C11orf96: variants seen among roughly 807,000 people sequenced by gnomAD.
C11orf96 encodes the protein uncharacterized protein C11orf96.
A neutral mutation model predicts 7.6 loss-of-function variants in C11orf96; 6 were observed. That is an observed-to-expected ratio of 0.79 (90% CI 0.43 to 1.55). The LOEUF (loss-of-function observed/expected upper bound fraction) is 1.55, where lower values mean the gene tolerates loss of function less well. Among genes scored for constraint, C11orf96 ranks in the 40% most tolerant of loss-of-function variants. C11orf96 has a pLI of 0.01. For synonymous variants in C11orf96, 72 were observed against 79.0 expected (o/e 0.91, Z 0.47); for missense variants, 150 against 167.3 (o/e 0.90, Z 0.57).
In C11orf96 at chr11:43,943,372, C is replaced by A; in HGVS notation, c.*99C>A. Reference sequence around the variant, plus strand: ...CCGCGCCCTGCTCCCGGGGGACCCGCAAGGACCCGGGACCGCCGCTCCTCG... The same window carrying A: ...CCGCGCCCTGCTCCCGGGGGACCCGAAAGGACCCGGGACCGCCGCTCCTCG... On this transcript the variant is annotated 3_prime_UTR_variant, in exon 1 of 1. Coordinates refer to ENST00000617612, the MANE Select transcript of C11orf96 (RefSeq NM_001145033.2). The surrounding 1 kb of genome is among the most constrained non-coding windows in gnomAD (Gnocchi z 4.8). 1 of 1,390,178 alleles carries A rather than the reference C, an allele frequency of 7.2e-7. No homozygotes were observed. The highest frequency in any genetic ancestry group is 9.3e-7 in the Non-Finnish European group (1 of 1,077,342). The allele number at this position is 1,390,178 out of a possible 1,614,324, so 86.1% of individuals were successfully genotyped here.
chr11:43,942,934 C>T lies in C11orf96; in HGVS notation c.30C>T (p.Gly10=). Residue 10 remains glycine, a synonymous_variant, in exon 1 of 1, where the codon GGC becomes GGT. Transcript: ENST00000617612. MAAKPGELM[G]ICSSYQAVMP... Reference sequence around the variant, plus strand: ...CCGCCAAGCCCGGCGAGCTGATGGGCATCTGCTCCAGTTACCAGGCGGTGA... The same window carrying T: ...CCGCCAAGCCCGGCGAGCTGATGGGTATCTGCTCCAGTTACCAGGCGGTGA... 13 of 1,448,968 alleles carry T rather than the reference C, an allele frequency of 9.0e-6. No individual in the cohort carries two copies. The highest frequency in any genetic ancestry group is 1.2e-5 in the Non-Finnish European group (13 of 1,103,890). The allele number at this position is 1,448,968 out of a possible 1,614,324, so 89.8% of individuals were successfully genotyped here. A position where few individuals can be genotyped will look rare whatever the true frequency, so the allele number is the denominator to read the frequency against.
At position 43,943,354 on chromosome 11, in the gene C11orf96, C is replaced by T; in HGVS notation, c.*81C>T. On this transcript the variant is annotated 3_prime_UTR_variant, in exon 1 of 1. Coordinates refer to ENST00000617612, the MANE Select transcript of C11orf96 (RefSeq NM_001145033.2). The surrounding 1 kb of genome is among the most constrained non-coding windows in gnomAD (Gnocchi z 4.8). ...TGTGAACCCCGAGAGTGCCCGCGCCCTGCTCCCGGGGGACCCGCAAGGACC... is the reference window on the plus strand; with the variant it reads ...TGTGAACCCCGAGAGTGCCCGCGCCTTGCTCCCGGGGGACCCGCAAGGACC... 2 of 1,391,160 alleles carry T rather than the reference C, an allele frequency of 1.4e-6. No homozygotes were observed. Among genetic ancestry groups the T allele is most frequent in the Middle Eastern group, 2.3e-4 (1 of 4,342 alleles). The allele number at this position is 1,391,160 out of a possible 1,614,324, so 86.2% of individuals were successfully genotyped here.
At position 43,943,199 on chromosome 11, in the gene C11orf96, C is replaced by T; in HGVS notation, c.295C>T (p.Leu99=). The T allele has an allele frequency of 6.6e-7, 1 of 1,523,480 alleles. No homozygotes were observed. The highest frequency in any genetic ancestry group is 8.8e-7 in the Non-Finnish European group (1 of 1,135,282). The allele number at this position is 1,523,480 out of a possible 1,614,324, so 94.4% of individuals were successfully genotyped here. A position where few individuals can be genotyped will look rare whatever the true frequency, so the allele number is the denominator to read the frequency against. The part of the protein sequence containing the change: ...CLRRSTQSLS[L]QREQLSSCKL... ...GCGCCGCAGCACGCAGAGCCTGTCGCTGCAGCGGGAGCAGCTCAGCAGCTG... is the reference window on the plus strand; with the variant it reads ...GCGCCGCAGCACGCAGAGCCTGTCGTTGCAGCGGGAGCAGCTCAGCAGCTG... The change falls in exon 1 of 1, where the codon CTG becomes TTG. Residue 99 remains leucine, a synonymous_variant. Transcript: ENST00000617612. The surrounding 1 kb of genome is among the most constrained non-coding windows in gnomAD (Gnocchi z 4.8).
Position 43,943,825 on chromosome 11 carries a change from G to A in C11orf96, c.*552G>A. ...ATTTATTTAACGATCTTTTTACCTGGATATGTCTGTGAGGCTCCTGAAAGG... is the reference window on the plus strand; with the variant it reads ...ATTTATTTAACGATCTTTTTACCTGAATATGTCTGTGAGGCTCCTGAAAGG... On this transcript the variant is annotated 3_prime_UTR_variant, in exon 1 of 1. Coordinates refer to ENST00000617612, the MANE Select transcript of C11orf96 (RefSeq NM_001145033.2). The surrounding 1 kb of genome is among the most constrained non-coding windows in gnomAD (Gnocchi z 4.8). 1 of 1,300,558 alleles carries A rather than the reference G, an allele frequency of 7.7e-7. No homozygotes were observed. The highest frequency in any genetic ancestry group is 1.0e-6 in the Non-Finnish European group (1 of 986,498). The allele number at this position is 1,300,558 out of a possible 1,614,324, so 80.6% of individuals were successfully genotyped here. A position where few individuals can be genotyped will look rare whatever the true frequency, so the allele number is the denominator to read the frequency against.
rs1420579361 is a variant in C11orf96, at chr11:43,943,215, T to C, written c.311T>C (p.Leu104Pro). 5 of 1,524,590 alleles carry C rather than the reference T, an allele frequency of 3.3e-6. No homozygotes were observed. The African/African-American group carries it at 5.7e-5, about 17-fold the overall frequency. The allele number at this position is 1,524,590 out of a possible 1,614,324, so 94.4% of individuals were successfully genotyped here. Residue 104 changes from leucine to proline, a missense_variant, in exon 1 of 1, where the codon CTC (leucine) becomes CCC (proline). Coordinates refer to ENST00000617612, the MANE Select transcript of C11orf96 (RefSeq NM_001145033.2). This position sits in a 1 kb window ranked among gnomAD's most constrained non-coding sequence, Gnocchi z 4.8. ...AGCCTGTCGCTGCAGCGGGAGCAGC[T>C]CAGCAGCTGCAAACTGAGGAACAGC... is the stretch of plus-strand genomic sequence containing the variant. ...TQSLSLQREQ[L>P]SSCKLRNSLD...
At position 43,942,861 on chromosome 11, in the gene C11orf96, GC is replaced by G; in HGVS notation, c.-40del. On this transcript the variant is annotated 5_prime_UTR_variant, in exon 1 of 1. Coordinates refer to ENST00000617612, the MANE Select transcript of C11orf96 (RefSeq NM_001145033.2). ...CCGGCGCAGCGGCCGCCCTCGGAGA[GC>G]CCCGGCGCCCCGCCGCCCGGCCCCG... The G allele has an allele frequency of 8.1e-7, 1 of 1,238,688 alleles. No homozygotes were observed. Among genetic ancestry groups the G allele is most frequent in the Non-Finnish European group, 1.0e-6 (1 of 991,044 alleles). 76.7% of individuals were successfully genotyped at this position (1,238,688 alleles called of 1,614,324 possible). A position where few individuals can be genotyped will look rare whatever the true frequency, so the allele number is the denominator to read the frequency against.
Position 43,943,292 on chromosome 11 carries a change from G to C in C11orf96, c.*19G>C, listed in dbSNP as rs7077. ...CCTGTAAGGGGCGCCGCCCGCGGGG[G>C]GGACGCGCGCGTCCGCGGTCCGCGC... On this transcript the variant is annotated 3_prime_UTR_variant, in exon 1 of 1. Coordinates refer to ENST00000617612, the MANE Select transcript of C11orf96 (RefSeq NM_001145033.2). The surrounding 1 kb of genome is among the most constrained non-coding windows in gnomAD (Gnocchi z 4.8). 803,519 of 1,463,506 alleles carry C rather than the reference G, an allele frequency of 0.55. 222,366 individuals are homozygous for C. Among genetic ancestry groups the C allele is most frequent in the East Asian group, 0.67 (22,751 of 33,978 alleles). The allele number at this position is 1,463,506 out of a possible 1,614,324, so 90.7% of individuals were successfully genotyped here.
rs1426065778 is a variant in C11orf96 at position 43,943,421 on chromosome 11, G to A, written c.*148G>A. On this transcript the variant is annotated 3_prime_UTR_variant, in exon 1 of 1. Transcript: ENST00000617612. This position sits in a 1 kb window ranked among gnomAD's most constrained non-coding sequence, Gnocchi z 4.8. ...CGCGCGCTCGGACTCCCGCCCCGCT[G>A]CGAACCGGTCGGTGCGCCCCTCGCC... 2 of 1,447,304 alleles carry A rather than the reference G, an allele frequency of 1.4e-6. No individual in the cohort carries two copies. The highest frequency in any genetic ancestry group is 1.3e-5 in the South Asian group (1 of 79,360). 89.7% of individuals were successfully genotyped at this position (1,447,304 alleles called of 1,614,324 possible). A position where few individuals can be genotyped will look rare whatever the true frequency, so the allele number is the denominator to read the frequency against.
rs570479211 is a variant in C11orf96 at position 43,942,867 on chromosome 11, G to A, written c.-38G>A. 8.8e-4 allele frequency: 1,107 copies of A among 1,252,834 alleles called. No individual in the cohort carries two copies. Among genetic ancestry groups the A allele is most frequent in the African/African-American group, 1.1e-3 (69 of 63,642 alleles). The allele number at this position is 1,252,834 out of a possible 1,614,324, so 77.6% of individuals were successfully genotyped here. A position where few individuals can be genotyped will look rare whatever the true frequency, so the allele number is the denominator to read the frequency against. ...CAGCGGCCGCCCTCGGAGAGCCCCG[G>A]CGCCCCGCCGCCCGGCCCCGCAGAC... is the stretch of plus-strand genomic sequence containing the variant. On this transcript the variant is annotated 5_prime_UTR_variant, in exon 1 of 1. Transcript: ENST00000617612.
Position 43,942,886 on chromosome 11 carries a change from C to A in C11orf96, c.-19C>A. On this transcript the variant is annotated 5_prime_UTR_variant, in exon 1 of 1. Coordinates refer to ENST00000617612, the MANE Select transcript of C11orf96 (RefSeq NM_001145033.2). ...GCCCCGGCGCCCCGCCGCCCGGCCC[C>A]GCAGACGCCGGAGGCGCCATGGCCG... 1 of 1,322,558 alleles carries A rather than the reference C, an allele frequency of 7.6e-7. No homozygotes were observed. The highest frequency in any genetic ancestry group is 9.6e-7 in the Non-Finnish European group (1 of 1,036,296). The allele number at this position is 1,322,558 out of a possible 1,614,324, so 81.9% of individuals were successfully genotyped here. A position where few individuals can be genotyped will look rare whatever the true frequency, so the allele number is the denominator to read the frequency against.
In C11orf96 at chr11:43,942,826, C is replaced by T. The variant is rs936441647; in HGVS notation, c.-79C>T. Reference sequence around the variant, plus strand: ...CCGGCGAGCCCCCGGCTGCTGCCTCCCGGGGGGCCCCGGCGCAGCGGCCGC... The same window carrying T: ...CCGGCGAGCCCCCGGCTGCTGCCTCTCGGGGGGCCCCGGCGCAGCGGCCGC... On this transcript the variant is annotated 5_prime_UTR_variant, in exon 1 of 1. Transcript: ENST00000617612. 10 of 1,089,116 alleles carry T rather than the reference C, an allele frequency of 9.2e-6. No homozygotes were observed. In the African/African-American group the frequency reaches 1.7e-4, roughly 18 times the overall value. The allele number at this position is 1,089,116 out of a possible 1,614,324, so 67.5% of individuals were successfully genotyped here.
At position 43,943,184 on chromosome 11, in the gene C11orf96, A is replaced by G. The variant is rs1952126659; in HGVS notation, c.280A>G (p.Thr94Ala). Residue 94 changes from threonine (T) to alanine (A), a missense_variant, in exon 1 of 1, where the codon ACG becomes GCG. Thr to Ala is a moderately conservative substitution (Grantham distance 58). Around this residue, in one of 3 missense-constraint regions of C11orf96, gnomAD observed 69 missense variants for 69.1 expected, o/e 1.00. Transcript: ENST00000617612. The surrounding 1 kb of genome is among the most constrained non-coding windows in gnomAD (Gnocchi z 4.8). ...LQSLECLRRS[T>A]QSLSLQREQL... ...GAGCCTGGAGTGCCTGCGCCGCAGC[A>G]CGCAGAGCCTGTCGCTGCAGCGGGA... 16 of 1,512,002 alleles carry G rather than the reference A, an allele frequency of 1.1e-5. No individual in the cohort carries two copies. The highest frequency in any genetic ancestry group is 1.4e-5 in the Non-Finnish European group (16 of 1,130,324). 93.7% of individuals were successfully genotyped at this position (1,512,002 alleles called of 1,614,324 possible).
Position 43,943,583 on chromosome 11 carries a change from G to A in C11orf96, c.*310G>A, listed in dbSNP as rs1289051471. ...GGCGCGCCCGCGCTGAGTCGGCGGC[G>A]GGTAGCCACTCCATGCCCTTGTCCG... On this transcript the variant is annotated 3_prime_UTR_variant, in exon 1 of 1. Transcript: ENST00000617612. The surrounding 1 kb of genome is among the most constrained non-coding windows in gnomAD (Gnocchi z 4.8). 2 of 1,311,514 alleles carry A rather than the reference G, an allele frequency of 1.5e-6. No individual in the cohort carries two copies. The highest frequency in any genetic ancestry group is 2.0e-6 in the Non-Finnish European group (2 of 994,040). 81.2% of individuals were successfully genotyped at this position (1,311,514 alleles called of 1,614,324 possible). A position where few individuals can be genotyped will look rare whatever the true frequency, so the allele number is the denominator to read the frequency against.
rs1447140754 is a variant in C11orf96 at position 43,943,751 on chromosome 11, C to T, written c.*478C>T. On this transcript the variant is annotated 3_prime_UTR_variant, in exon 1 of 1. Transcript: ENST00000617612. The surrounding 1 kb of genome is among the most constrained non-coding windows in gnomAD (Gnocchi z 4.8). The stretch of plus-strand genomic sequence containing the variant: ...GACTTTGGGCGCAGCGCGGCTGCTA[C>T]TGCGTCTGGAGGATTGATATTTATT... The T allele has an allele frequency of 7.7e-7, 1 of 1,304,374 alleles. No homozygotes were observed. 80.8% of individuals were successfully genotyped at this position (1,304,374 alleles called of 1,614,324 possible). A position where few individuals can be genotyped will look rare whatever the true frequency, so the allele number is the denominator to read the frequency against.
In C11orf96 at chr11:43,943,744, G is replaced by T; in HGVS notation, c.*471G>T. 1 of 1,304,406 alleles carries T rather than the reference G, an allele frequency of 7.7e-7. No homozygotes were observed. Among genetic ancestry groups the T allele is most frequent in the Non-Finnish European group, 1.0e-6 (1 of 989,018 alleles). The allele number at this position is 1,304,406 out of a possible 1,614,324, so 80.8% of individuals were successfully genotyped here. The stretch of plus-strand genomic sequence containing the variant: ...CCGTTGGGACTTTGGGCGCAGCGCG[G>T]CTGCTACTGCGTCTGGAGGATTGAT... On this transcript the variant is annotated 3_prime_UTR_variant, in exon 1 of 1. Transcript: ENST00000617612. The surrounding 1 kb of genome is among the most constrained non-coding windows in gnomAD (Gnocchi z 4.8).
rs1033669594 is a variant in C11orf96 at position 43,942,726 on chromosome 11, G to T, written c.-179G>T. The T allele has an allele frequency of 2.1e-4, 4 of 19,510 alleles. No homozygotes were observed. The highest frequency in any genetic ancestry group is 1.2e-3 in the East Asian group (1 of 856). The allele number at this position is 19,510 out of a possible 1,614,324, so 1.2% of individuals were successfully genotyped here. On this transcript the variant is annotated 5_prime_UTR_variant, in exon 1 of 1. Transcript: ENST00000617612. ...TGCCCCCCGACGGGTCCGCCCGCCC[G>T]CCCGCCCTCCCGAGGAGCGCCGGCC...
At position 43,943,002 on chromosome 11, in the gene C11orf96, T is replaced by C; in HGVS notation, c.98T>C (p.Val33Ala). ...VCLADEFPQP[V>A]RPAKLPKGRG... Reference sequence around the variant, plus strand: ...CTGGCCGACGAGTTCCCGCAGCCCGTGCGGCCCGCCAAGCTGCCCAAGGGC... The same window carrying C: ...CTGGCCGACGAGTTCCCGCAGCCCGCGCGGCCCGCCAAGCTGCCCAAGGGC... The change falls in exon 1 of 1, where the codon GTG (valine) becomes GCG (alanine). Residue 33 changes from valine (V) to alanine (A), a missense_variant. Transcript: ENST00000617612. The surrounding 1 kb of genome is among the most constrained non-coding windows in gnomAD (Gnocchi z 4.8). 6.6e-7 allele frequency: 1 copy of C among 1,506,250 alleles called. No individual in the cohort carries two copies. Among genetic ancestry groups the C allele is most frequent in the Non-Finnish European group, 8.9e-7 (1 of 1,127,498 alleles). The allele number at this position is 1,506,250 out of a possible 1,614,324, so 93.3% of individuals were successfully genotyped here.
chr11:43,942,675 G>T lies in C11orf96; in HGVS notation c.-230G>T. 4.5e-6 allele frequency: 1 copy of T among 220,078 alleles called. No individual in the cohort carries two copies. Among genetic ancestry groups the T allele is most frequent in the South Asian group, 4.5e-5 (1 of 22,092 alleles). 13.6% of individuals were successfully genotyped at this position (220,078 alleles called of 1,614,324 possible). On this transcript the variant is annotated 5_prime_UTR_variant, in exon 1 of 1. Coordinates refer to ENST00000617612, the MANE Select transcript of C11orf96 (RefSeq NM_001145033.2). ...AGCGGCGGCGAGCGCCTCGGAGCGCGGCGGAACAGCGCCCCCCGAGCCCCG... is the reference window on the plus strand; with the variant it reads ...AGCGGCGGCGAGCGCCTCGGAGCGCTGCGGAACAGCGCCCCCCGAGCCCCG...
At position 43,943,446 on chromosome 11, in the gene C11orf96, C is replaced by A; in HGVS notation, c.*173C>A. On this transcript the variant is annotated 3_prime_UTR_variant, in exon 1 of 1. Coordinates refer to ENST00000617612, the MANE Select transcript of C11orf96 (RefSeq NM_001145033.2). The surrounding 1 kb of genome is among the most constrained non-coding windows in gnomAD (Gnocchi z 4.8). ...GCGAACCGGTCGGTGCGCCCCTCGC[C>A]GCGCTCGCCCTGGCCCGGGAGCGCC... 1 of 1,432,022 alleles carries A rather than the reference C, an allele frequency of 7.0e-7. No individual in the cohort carries two copies. The highest frequency in any genetic ancestry group is 9.3e-7 in the Non-Finnish European group (1 of 1,073,972). 88.7% of individuals were successfully genotyped at this position (1,432,022 alleles called of 1,614,324 possible).
Sources: allele counts gnomAD v4.1 joint callset, GRCh38; gene constraint gnomAD v4.1.1; regional missense constraint gnomAD v4.1.1; non-coding constraint Gnocchi (gnomAD v3.1); transcripts MANE v1.5; gene names NCBI Gene and HGNC (gene_info 2026-07-23, HGNC 2026-07-21).